DOCK3: variants seen among roughly 807,000 people sequenced by gnomAD.
DOCK3 encodes the protein dedicator of cytokinesis protein 3.
In DOCK3, 60 loss-of-function variants were observed where a neutral mutation model predicts 265.6. That is an observed-to-expected ratio of 0.23 (90% CI 0.18 to 0.28). The LOEUF (loss-of-function observed/expected upper bound fraction) is 0.28, where lower values mean the gene tolerates loss of function less well. Among genes scored for constraint, DOCK3 ranks in the 10% least tolerant of loss-of-function variants. DOCK3 has a pLI of 1.00. For synonymous variants in DOCK3, 881 were observed against 938.0 expected (o/e 0.94, Z 1.11); for missense variants, 1,981 against 2,594.3 (o/e 0.76, Z 5.14).
intron 27 of DOCK3, among the ~76,000 whole-genome samples, chr3:51,289,045 A>G (rs1312842005): frequency 2.0e-5 from 3 of 152,054 alleles, no homozygotes; most frequent in East Asian, 3.8e-4. Flanking sequence ...CAGGAGTGAC[A>G]AAATAGAGAA....
intron 27 of DOCK3, among the ~76,000 whole-genome samples, chr3:51,281,462 CTTTGT>C (rs962005247): frequency 2.6e-5 from 4 of 151,822 alleles, no homozygotes; most frequent in Non-Finnish European, 5.9e-5. Context: ...TTTGCTTATG[CTTTGT>C]TTTGTTTTGG....
intron 32 of DOCK3, among the ~76,000 whole-genome samples, chr3:51,316,852 G>A (rs1473166336): frequency 6.6e-6 from 1 of 152,138 alleles, no homozygotes; most frequent in Non-Finnish European, 1.5e-5. Context: ...TATTCTGTAT[G>A]TAAGTCCTTT....
chr3:51,127,397 A>G (rs1408479063), intron 9 of DOCK3, among the ~76,000 whole-genome samples: 1 of 152,184 alleles, frequency 6.6e-6, no homozygotes, highest in East Asian at 1.9e-4. Context: ...TCCTGAGATC[A>G]TACATAATCT....
chr3:51,210,354 A>G (rs1404468888), intron 13 of DOCK3, among the ~76,000 whole-genome samples: 1 of 152,230 alleles, frequency 6.6e-6, no homozygotes, highest in Non-Finnish European at 1.5e-5. Context: ...CAGACTTCAG[A>G]GAGCCTCAGT....
chr3:50,774,530 T>G (rs1481749853), intron 1 of DOCK3, among the ~76,000 whole-genome samples: 2 of 152,066 alleles, frequency 1.3e-5, no homozygotes, highest in African/African-American at 4.8e-5. Context: ...TATATAGACT[T>G]AAAAATATTC....
chr3:50,941,275 A>G (rs900582734), intron 5 of DOCK3, among the ~76,000 whole-genome samples: 1 of 152,178 alleles, frequency 6.6e-6, no homozygotes, highest in African/African-American at 2.4e-5. Context: ...GAATAGGGAC[A>G]AGGAGGATAT....
At chr3:51,284,251 A>G (rs1302135344) in intron 27 of DOCK3, among the ~76,000 whole-genome samples, 3 of 152,140 alleles carry the variant, frequency 2.0e-5, no homozygotes, top group Admixed American at 6.5e-5. Context: ...CTCAGGAAAA[A>G]AAATTGCAGT....
Position 51,159,235 on chromosome 3 carries a change from T to G in DOCK3, c.829-9T>G. 3 of 1,612,870 alleles carry G rather than the reference T, an allele frequency of 1.9e-6. No individual in the cohort carries two copies. The highest frequency in any genetic ancestry group is 2.5e-6 in the Non-Finnish European group (3 of 1,179,126). On this transcript the variant is annotated splice_polypyrimidine_tract_variant and intron_variant, in intron 10 of 52. Coordinates refer to ENST00000266037, the MANE Select transcript of DOCK3 (RefSeq NM_004947.5). ...TTCCTTGCCTGAATTTACTTATTTT[T>G]TCTCTTAGGATCTGAGCAGCAAAGA...
intron 9 of DOCK3, among the ~76,000 whole-genome samples, chr3:51,095,888 A>G (rs1027268777): frequency 2.3e-5 from 2 of 87,750 alleles, no homozygotes; most frequent in African/African-American, 8.4e-5. Flanking sequence ...AATGTTGACT[A>G]TTGGCCCCCA....
chr3:50,902,927 T>C (rs1456744044), intron 4 of DOCK3, among the ~76,000 whole-genome samples: 1 of 152,214 alleles, frequency 6.6e-6, no homozygotes, highest in Non-Finnish European at 1.5e-5. Context: ...TTATTCTCTT[T>C]GTAGCAGTTG....
At chr3:51,018,724 G>T (rs573387636) in intron 5 of DOCK3, among the ~76,000 whole-genome samples, 13 of 151,894 alleles carry the variant, frequency 8.6e-5, no homozygotes, top group African/African-American at 2.9e-4. Context: ...AAGATAACAG[G>T]TATGGCATTT....
intron 5 of DOCK3, among the ~76,000 whole-genome samples, chr3:51,055,854 T>A (rs1429397568): frequency 6.6e-6 from 1 of 152,212 alleles, no homozygotes; most frequent in Non-Finnish European, 1.5e-5. Context: ...CTCCTGCAAA[T>A]ATATGTGTTG....
chr3:51,171,381 A>G (rs1014638514), intron 12 of DOCK3, among the ~76,000 whole-genome samples: 4 of 152,180 alleles, frequency 2.6e-5, no homozygotes, highest in African/African-American at 9.7e-5. Flanking sequence ...CATTGTGGTC[A>G]GAAAAAATAG....
At chr3:51,309,075 G>A (rs2082894957) in intron 27 of DOCK3, among the ~76,000 whole-genome samples, 1 of 151,914 alleles carries the variant, frequency 6.6e-6, no homozygotes, top group Non-Finnish European at 1.5e-5. Context: ...TGGCGGGCGG[G>A]CAGAGACGCT....
intron 1 of DOCK3, among the ~76,000 whole-genome samples, chr3:50,745,726 G>A (rs910238356): frequency 6.6e-6 from 1 of 152,200 alleles, no homozygotes; most frequent in African/African-American, 2.4e-5. Flanking sequence ...TGAGGAATGA[G>A]CAAAGATAGC....
chr3:50,806,817 T>C (rs1011624241), intron 2 of DOCK3, among the ~76,000 whole-genome samples: 3 of 152,080 alleles, frequency 2.0e-5, no homozygotes, highest in Non-Finnish European at 1.5e-5. Flanking sequence ...GGTGTCTTGC[T>C]GCAATAGCTT....
At chr3:50,716,681 T>C (rs1415961778) in intron 1 of DOCK3, among the ~76,000 whole-genome samples, 1 of 151,928 alleles carries the variant, frequency 6.6e-6, no homozygotes, top group African/African-American at 2.4e-5. Context: ...GAATTACTTT[T>C]AAGATTTTTT....
chr3:51,092,733 A>G (rs1281750403), intron 9 of DOCK3, among the ~76,000 whole-genome samples: 1 of 152,216 alleles, frequency 6.6e-6, no homozygotes, highest in African/African-American at 2.4e-5. Context: ...ACCTCCCAGT[A>G]AGGGCCTACA....
intron 1 of DOCK3, among the ~76,000 whole-genome samples, chr3:50,736,360 T>C (rs1008737227): frequency 6.6e-6 from 1 of 152,214 alleles, no homozygotes; most frequent in African/African-American, 2.4e-5. Flanking sequence ...ACAATAAACA[T>C]ATGTGTGCAT....
Sources: allele counts gnomAD v4.1 joint callset (sites outside exome capture counted in the v4.1 genomes callset), GRCh38; gene constraint gnomAD v4.1.1; transcripts MANE v1.5; gene names NCBI Gene and HGNC (gene_info 2026-07-23, HGNC 2026-07-21).